TTC28: variants seen among roughly 807,000 people sequenced by gnomAD.
TTC28 encodes the protein tetratricopeptide repeat protein 28.
A neutral mutation model predicts 198.0 loss-of-function variants in TTC28; 61 were observed. That is an observed-to-expected ratio of 0.31 (90% CI 0.25 to 0.38). The LOEUF (loss-of-function observed/expected upper bound fraction) is 0.38, where lower values mean the gene tolerates loss of function less well. TTC28 is among the 10% of genes least tolerant of loss of function. TTC28 has a pLI of 1.00. For synonymous variants in TTC28, 1,171 were observed against 1,297.8 expected, an observed-to-expected ratio of 0.90 and a Z score of 2.10; for missense variants, 2,678 against 3,164.0, an observed-to-expected ratio of 0.85 and a Z score of 3.69.
chr22:28,073,478 A>G (rs139512216), intron 12 of TTC28, among the ~76,000 whole-genome samples: 44 of 152,350 alleles, frequency 2.9e-4, no homozygotes, highest in Admixed American at 2.0e-3. Context: ...GCTCACCCAC[A>G]CAGAGGTGTG....
rs1320406617 is a variant in TTC28 at position 27,979,872 on chromosome 22, G to A, written c.*2349C>T. ...TTATCACTTTTGTTTTCCCTTCCTTGAAACTTATATTTAAGACAGAATAAA... is the reference window on the plus strand; with the variant it reads ...TTATCACTTTTGTTTTCCCTTCCTTAAAACTTATATTTAAGACAGAATAAA... On this transcript the variant is annotated 3_prime_UTR_variant, in exon 23 of 23. Coordinates refer to ENST00000397906, the MANE Select transcript of TTC28 (RefSeq NM_001145418.2). 1 of 152,100 alleles carries A rather than the reference G, an allele frequency of 6.6e-6. No individual in the cohort carries two copies. The highest frequency in any genetic ancestry group is 1.5e-5 in the Non-Finnish European group (1 of 68,012). 9.4% of individuals were successfully genotyped at this position (152,100 alleles called of 1,614,324 possible). A position where few individuals can be genotyped will look rare whatever the true frequency, so the allele number is the denominator to read the frequency against.
intron 5 of TTC28, among the ~76,000 whole-genome samples, chr22:28,245,624 T>C (rs1409374961): frequency 6.6e-6 from 1 of 152,226 alleles, no homozygotes; most frequent in South Asian, 2.1e-4. Flanking sequence ...AAGTACCCTA[T>C]GCGTTTCACA....
intron 2 of TTC28, among the ~76,000 whole-genome samples, chr22:28,471,042 G>T (rs2048090837): frequency 6.6e-6 from 1 of 152,154 alleles, no homozygotes; most frequent in Admixed American, 6.5e-5. Flanking sequence ...ATGAATCCCA[G>T]ACCTTAACAG....
intron 2 of TTC28, among the ~76,000 whole-genome samples, chr22:28,609,678 A>G (rs1468722432): frequency 1.3e-5 from 2 of 151,184 alleles, no homozygotes; most frequent in African/African-American, 4.9e-5. Flanking sequence ...TAGCTGCAGG[A>G]GTTTGTTTGT....
intron 2 of TTC28, among the ~76,000 whole-genome samples, chr22:28,550,672 A>G (rs1160591537): frequency 6.6e-6 from 1 of 152,204 alleles, no homozygotes; most frequent in African/African-American, 2.4e-5. Flanking sequence ...ATTCTATTTT[A>G]CAGTATAATG....
At chr22:28,484,180 G>A (rs142546398) in intron 2 of TTC28, among the ~76,000 whole-genome samples, 7 of 152,208 alleles carry the variant, frequency 4.6e-5, no homozygotes, top group Admixed American at 3.3e-4. Context: ...GCTGAATGCC[G>A]TGGTGCAGCC....
intron 12 of TTC28, among the ~76,000 whole-genome samples, chr22:28,091,202 T>G (rs574135910): frequency 6.6e-6 from 1 of 152,296 alleles, no homozygotes; most frequent in Non-Finnish European, 1.5e-5. Context: ...TTACTCAACC[T>G]CCAGTATCAT....
rs116976473 is a variant in TTC28, at chr22:28,053,842, T to C, written c.3933-23476A>G. On this transcript the variant is annotated intron_variant, in intron 12 of 22. Transcript: ENST00000397906. ...GAAGCAATCTCTCCTGGAAAGACAG[T>C]ATTTACCTGAAGAAACTGTTCATTG... 5.9e-3 allele frequency among the ~76,000 whole-genome samples: 895 copies of C among 152,294 alleles called. 6 individuals carry two copies. Among genetic ancestry groups the C allele is most frequent in the Non-Finnish European group, 9.9e-3 (676 of 68,032 alleles).
intron 12 of TTC28, among the ~76,000 whole-genome samples, chr22:28,073,881 C>T (rs576882845): frequency 4.4e-4 from 67 of 152,274 alleles, no homozygotes; most frequent in Non-Finnish European, 8.1e-4. Context: ...CCCCAGTTTA[C>T]CCACAGACCC....
chr22:28,418,895 A>G (rs567573839), intron 2 of TTC28, among the ~76,000 whole-genome samples: 2 of 152,304 alleles, frequency 1.3e-5, no homozygotes, highest in South Asian at 4.1e-4. Context: ...TTGTGTAAAC[A>G]ATGAAAACTC....
intron 1 of TTC28, among the ~76,000 whole-genome samples, chr22:28,675,397 GA>G (rs2051965929): frequency 1.3e-5 from 2 of 152,026 alleles, no homozygotes; most frequent in South Asian, 4.1e-4. Context: ...GAGCAACAAA[GA>G]AAAAACAGAT....
At chr22:28,269,510 G>A (rs1367849689) in intron 5 of TTC28, among the ~76,000 whole-genome samples, 2 of 152,162 alleles carry the variant, frequency 1.3e-5, no homozygotes, top group Non-Finnish European at 2.9e-5. Context: ...CACCCAGCAT[G>A]ATGTACCAGT....
chr22:28,470,188 T>C (rs2048079888), intron 2 of TTC28, among the ~76,000 whole-genome samples: 1 of 152,190 alleles, frequency 6.6e-6, no homozygotes, highest in Admixed American at 6.5e-5. Context: ...AGCCATTAAC[T>C]ATGTGGTAAT....
At chr22:28,338,484 C>T (rs996453693) in intron 2 of TTC28, among the ~76,000 whole-genome samples, 13 of 152,210 alleles carry the variant, frequency 8.5e-5, no homozygotes, top group East Asian at 1.9e-4. Context: ...ACCAATCAGA[C>T]GTAGATTTGG....
intron 2 of TTC28, among the ~76,000 whole-genome samples, chr22:28,313,090 G>A (rs529940022): frequency 3.2e-4 from 49 of 152,168 alleles, no homozygotes; most frequent in Middle Eastern, 3.4e-3. Flanking sequence ...ACACCTCTAC[G>A]CAAATAAACT....
rs117738422 is a variant in TTC28, at chr22:28,066,324, C to T, written c.3932+27756G>A. Among the ~76,000 whole-genome samples the T allele has an allele frequency of 5.5e-3, 785 of 142,316 alleles. 30 individuals are homozygous for T. The East Asian group carries it at 0.095, about 17-fold the overall frequency. 93.4% of individuals were successfully genotyped at this position (142,316 alleles called of 152,430 possible). A position where few individuals can be genotyped will look rare whatever the true frequency, so the allele number is the denominator to read the frequency against. ...TGTGTGGTGTGTGTGTGTGTGTGTG[C>T]GCGCGCGCATGCATGTGTAGGACAC... is the stretch of plus-strand genomic sequence containing the variant. On this transcript the variant is annotated intron_variant, in intron 12 of 22. Transcript: ENST00000397906.
chr22:28,034,383 G>A (rs1344177539), intron 12 of TTC28, among the ~76,000 whole-genome samples: 1 of 152,194 alleles, frequency 6.6e-6, no homozygotes, highest in Non-Finnish European at 1.5e-5. Context: ...TTCCACTCCT[G>A]TCTACCCAGC....
chr22:28,447,619 T>C (rs1420348158), intron 2 of TTC28, among the ~76,000 whole-genome samples: 1 of 152,200 alleles, frequency 6.6e-6, no homozygotes, highest in East Asian at 1.9e-4. Context: ...ATACCACACA[T>C]GGCCTGTAGA....
At chr22:28,303,350 AAAAG>A (rs1217072614) in intron 3 of TTC28, among the ~76,000 whole-genome samples, 7 of 152,246 alleles carry the variant, frequency 4.6e-5, no homozygotes, top group African/African-American at 1.4e-4. Flanking sequence ...GAAATCACAT[AAAAG>A]AAAGTATCAA....
Sources: allele counts gnomAD v4.1 joint callset (sites outside exome capture counted in the v4.1 genomes callset), GRCh38; gene constraint gnomAD v4.1.1; transcripts MANE v1.5; gene names NCBI Gene and HGNC (gene_info 2026-07-23, HGNC 2026-07-21).